The following IGFL2 variants were observed in gnomAD, a reference collection of about 807,000 sequenced individuals.
IGFL2 encodes the protein IGF like family member 2.
Under a neutral mutation model 13.9 loss-of-function variants are expected in IGFL2, and 7 were observed. That is an observed-to-expected ratio of 0.51 (90% CI 0.29 to 0.95). The LOEUF (loss-of-function observed/expected upper bound fraction) is 0.95, where lower values mean the gene tolerates loss of function less well. Among genes scored for constraint, IGFL2 ranks in the 40% least tolerant of loss-of-function variants. The probability of loss-of-function intolerance (pLI) is 0.08; values close to 1 mark genes in which losing one functional copy is unlikely to be tolerated. For synonymous variants in IGFL2, 55 were observed against 55.8 expected (o/e 0.99, Z 0.07); for missense variants, 138 against 147.8 (o/e 0.93, Z 0.34).
At chr19:46,130,223 C>T in the IGFL2 span, among the ~76,000 whole-genome samples, 1 of 152,084 alleles carries the variant, frequency 6.6e-6, no homozygotes, top group Non-Finnish European at 1.5e-5. Flanking sequence ...TTTCCTCCAT[C>T]CCTTTATTTT....
the IGFL2 span, among the ~76,000 whole-genome samples, chr19:46,114,838 GA>G: frequency 6.6e-6 from 1 of 152,162 alleles, no homozygotes; most frequent in South Asian, 2.1e-4. Context: ...ATAGCAGTGT[GA>G]AAATTGACTA....
chr19:46,144,909 C>A (rs1390530853), upstream of IGFL2, among the ~76,000 whole-genome samples: 2 of 152,142 alleles, frequency 1.3e-5, no homozygotes, highest in Non-Finnish European at 2.9e-5. Context: ...CTTCTTGTAT[C>A]TGACACGGTG....
At chr19:46,132,019 GTAT>G in the IGFL2 span, among the ~76,000 whole-genome samples, 5 of 152,190 alleles carry the variant, frequency 3.3e-5, no homozygotes, top group Admixed American at 2.0e-4. Flanking sequence ...TAGCAGAAAT[GTAT>G]ATGATTTTAC....
At chr19:46,131,857 T>G in the IGFL2 span, among the ~76,000 whole-genome samples, 8 of 152,166 alleles carry the variant, frequency 5.3e-5, no homozygotes, top group Non-Finnish European at 1.0e-4. Context: ...GAGAGTCGCT[T>G]GAACCCAGGA....
the IGFL2 span, among the ~76,000 whole-genome samples, chr19:46,125,435 G>A: frequency 2.0e-5 from 3 of 152,174 alleles, no homozygotes; most frequent in Non-Finnish European, 4.4e-5. Context: ...GGAAGGGCAG[G>A]GCAAACTGAG....
the IGFL2 span, among the ~76,000 whole-genome samples, chr19:46,090,720 T>C: frequency 6.6e-6 from 1 of 152,162 alleles, no homozygotes; most frequent in African/African-American, 2.4e-5. Context: ...ACTGCCAAGA[T>C]TTGTCTGTAG....
At chr19:46,207,168 C>T in the IGFL2 span, 1 of 152,254 alleles carries the variant, frequency 6.6e-6, no homozygotes, top group East Asian at 1.9e-4. Context: ...CTGGACACCC[C>T]ATCCTCTCAG....
intron 1 of IGFL2, among the ~76,000 whole-genome samples, chr19:46,156,395 G>A (rs1413674467): frequency 2.0e-5 from 3 of 152,046 alleles, no homozygotes; most frequent in Non-Finnish European, 4.4e-5. Flanking sequence ...TGGAGAATTG[G>A]CTTCTATCTA....
the IGFL2 span, among the ~76,000 whole-genome samples, chr19:46,188,161 T>G: frequency 6.6e-6 from 1 of 152,174 alleles, no homozygotes; most frequent in South Asian, 2.1e-4. Flanking sequence ...AGTTCCAGTT[T>G]CACCCTCCCC....
the IGFL2 span, among the ~76,000 whole-genome samples, chr19:46,183,280 G>T: frequency 6.6e-6 from 1 of 152,086 alleles, no homozygotes; most frequent in Non-Finnish European, 1.5e-5. Context: ...CTCCCACCAG[G>T]TCCTTCTCCT....
intron 3 of IGFL2, 62 bp downstream of exon 3, chr19:46,160,943 C>A: frequency 6.3e-7 from 1 of 1,587,522 alleles, no homozygotes. Context: ...GGAGGGGAGT[C>A]TAGATGTCTT....
the IGFL2 span, among the ~76,000 whole-genome samples, chr19:46,178,278 A>G: frequency 6.8e-4 from 80 of 118,460 alleles, no homozygotes; most frequent in African/African-American, 2.0e-3. Flanking sequence ...CTCTGCCTCA[A>G]AAAGAAAAAA....
the IGFL2 span, among the ~76,000 whole-genome samples, chr19:46,174,384 G>A: frequency 2.8e-4 from 43 of 152,326 alleles, no homozygotes; most frequent in East Asian, 4.2e-3. Context: ...GATCTGACAC[G>A]AGATTACAAT....
chr19:46,129,307 T>TTGTGTGTGTGTGTG, the IGFL2 span, among the ~76,000 whole-genome samples: 1 of 136,950 alleles, frequency 7.3e-6, no homozygotes, highest in Admixed American at 7.4e-5. Context: ...TGTTGATCTT[T>TTGTGTGTGTGTGTG]TGTGTGTGTG....
chr19:46,168,871 AT>A, the IGFL2 span, among the ~76,000 whole-genome samples: 136,834 of 151,208 alleles, frequency 0.9, 62,545 homozygotes, highest in African/African-American at 0.96. Context: ...TTCTGTACTT[AT>A]TTTTTCCTGA....
the IGFL2 span, among the ~76,000 whole-genome samples, chr19:46,123,732 T>C: frequency 4.6e-5 from 7 of 150,914 alleles, 1 homozygote; most frequent in Non-Finnish European, 1.0e-4. Context: ...GGCAGACTTA[T>C]AGCTTATCTG....
the IGFL2 span, among the ~76,000 whole-genome samples, chr19:46,089,947 C>T: frequency 1.3e-5 from 2 of 152,050 alleles, no homozygotes; most frequent in Non-Finnish European, 2.9e-5. Context: ...AGCTTTCTAC[C>T]TCTTGGTCTC....
downstream of IGFL2, among the ~76,000 whole-genome samples, chr19:46,163,080 A>G (rs1974237214): frequency 6.6e-6 from 1 of 152,120 alleles, no homozygotes. Flanking sequence ...GGTATTATTT[A>G]TGTTGACGCT....
the IGFL2 span, among the ~76,000 whole-genome samples, chr19:46,178,175 G>A: frequency 1.5e-4 from 23 of 152,242 alleles, no homozygotes; most frequent in East Asian, 4.2e-3. Flanking sequence ...TACTCAGGAG[G>A]CTGAGGCAGG....
Sources: allele counts gnomAD v4.1 joint callset (sites outside exome capture counted in the v4.1 genomes callset), GRCh38; gene constraint gnomAD v4.1.1; transcripts MANE v1.5; gene names NCBI Gene and HGNC (gene_info 2026-07-23, HGNC 2026-07-21).